LRPPRC: variants seen among roughly 807,000 people sequenced by gnomAD.
LRPPRC encodes leucine rich pentatricopeptide repeat containing.
In LRPPRC, 120 loss-of-function variants were observed where a neutral mutation model predicts 180.3. The observed-to-expected ratio is 0.67, with a 90% CI of 0.57 to 0.77. The LOEUF (loss-of-function observed/expected upper bound fraction) is 0.77. Among genes scored for constraint, LRPPRC ranks in the 30% least tolerant of loss-of-function variants. The probability of loss-of-function intolerance (pLI) is 0.00; values close to 1 mark genes in which losing one functional copy is unlikely to be tolerated. For synonymous variants in LRPPRC, 723 were observed against 600.0 expected, an observed-to-expected ratio of 1.21 and a Z score of -3.00; for missense variants, 2,012 against 1,657.2, an observed-to-expected ratio of 1.21 and a Z score of -3.72.
chr2:43,897,612 T>G (rs1038374133), intron 34 of LRPPRC, among the ~76,000 whole-genome samples: 5 of 152,100 alleles, frequency 3.3e-5, no homozygotes, highest in African/African-American at 1.2e-4. Flanking sequence ...GGGTTTATCA[T>G]CTGAAACCCC....
At chr2:43,975,716 G>A (rs979158943) in intron 6 of LRPPRC, among the ~76,000 whole-genome samples, 1 of 151,806 alleles carries the variant, frequency 6.6e-6, no homozygotes, top group African/African-American at 2.4e-5. Flanking sequence ...CCAAGTAGCT[G>A]GGATTACAGG....
rs187944222 is a variant in LRPPRC, at chr2:43,974,917, C to G, written c.865-159G>C. Among the ~76,000 whole-genome samples the G allele has an allele frequency of 5.3e-5, 8 of 151,872 alleles. No homozygotes were observed. The East Asian group carries it at 9.7e-4, about 18-fold the overall frequency. ...AGGAAATACTCTACTTCAACAGTAA[C>G]TGTTACATACCAGCACCGAGATACT... On this transcript the variant is annotated intron_variant, in intron 7 of 37. Coordinates refer to ENST00000260665, the MANE Select transcript of LRPPRC (RefSeq NM_133259.4).
rs1674650485 is a variant in LRPPRC at position 43,988,855 on chromosome 2, G to C, written c.150-6421C>G. Among the ~76,000 whole-genome samples the C allele has an allele frequency of 1.3e-5, 2 of 151,958 alleles. 1 individual carries two copies. The highest frequency in any genetic ancestry group is 1.3e-4 in the Admixed American group (2 of 15,252). ...ACCACGCCTGACCAAATGCCTCTGAGTTTTTACAATATCTTTCCTTTATCT... is the reference window on the plus strand; with the variant it reads ...ACCACGCCTGACCAAATGCCTCTGACTTTTTACAATATCTTTCCTTTATCT... On this transcript the variant is annotated intron_variant, in intron 1 of 37. Transcript: ENST00000260665.
At chr2:43,956,613 G>A (rs1673128104) in intron 14 of LRPPRC, among the ~76,000 whole-genome samples, 1 of 152,032 alleles carries the variant, frequency 6.6e-6, no homozygotes, top group Non-Finnish European at 1.5e-5. Flanking sequence ...ACAGAGGATG[G>A]GCACAGTGGC....
intron 2 of LRPPRC, 100 bp downstream of exon 2, chr2:43,982,138 C>T: frequency 1.3e-6 from 1 of 762,286 alleles, no homozygotes; most frequent in South Asian, 2.1e-5. Flanking sequence ...GAACACTTGG[C>T]CTCAAGCGAT....
Position 43,995,987 on chromosome 2 carries a change from A to C in LRPPRC, c.-40T>G. Reference sequence around the variant, plus strand: ...CGCAGCGGGAAGCACGCTCCGCCAGAAGGACAGGAGGAGCATGTGACCGCA... The same window carrying C: ...CGCAGCGGGAAGCACGCTCCGCCAGCAGGACAGGAGGAGCATGTGACCGCA... On this transcript the variant is annotated 5_prime_UTR_variant, in exon 1 of 38. Coordinates refer to ENST00000260665, the MANE Select transcript of LRPPRC (RefSeq NM_133259.4). 2.0e-6 allele frequency: 3 copies of C among 1,522,470 alleles called. No individual in the cohort carries two copies. The highest frequency in any genetic ancestry group is 2.6e-6 in the Non-Finnish European group (3 of 1,141,188). The allele number at this position is 1,522,470 out of a possible 1,614,324, so 94.3% of individuals were successfully genotyped here.
At position 43,888,463 on chromosome 2, in the gene LRPPRC, T is replaced by G; in HGVS notation, c.*137A>C. The G allele has an allele frequency of 1.6e-6, 1 of 639,122 alleles. No individual in the cohort carries two copies. The highest frequency in any genetic ancestry group is 2.9e-6 in the Non-Finnish European group (1 of 350,090). The allele number at this position is 639,122 out of a possible 1,614,324, so 39.6% of individuals were successfully genotyped here. A position where few individuals can be genotyped will look rare whatever the true frequency, so the allele number is the denominator to read the frequency against. ...ACCAAGTGCACAGAGTTATGGTCAA[T>G]AAGACTTTGAACATGCATCACACAT... On this transcript the variant is annotated 3_prime_UTR_variant, in exon 38 of 38. Coordinates refer to ENST00000260665, the MANE Select transcript of LRPPRC (RefSeq NM_133259.4).
At chr2:43,978,046 C>A (rs1484494569) in intron 3 of LRPPRC, among the ~76,000 whole-genome samples, 1 of 152,060 alleles carries the variant, frequency 6.6e-6, no homozygotes, top group Non-Finnish European at 1.5e-5. Flanking sequence ...ACATTTTTAT[C>A]TTAACAGATA....
intron 26 of LRPPRC, among the ~76,000 whole-genome samples, 200 bp downstream of exon 26, chr2:43,925,693 G>A (rs569819698): frequency 1.3e-5 from 2 of 152,006 alleles, no homozygotes; most frequent in Non-Finnish European, 2.9e-5. Context: ...ATATCATCAG[G>A]GCCCAGGTTA....
chr2:43,899,350 G>GT lies in LRPPRC; in HGVS notation c.3710-17dup. 1.2e-6 allele frequency: 2 copies of GT among 1,608,748 alleles called. No individual in the cohort carries two copies. Among genetic ancestry groups the GT allele is most frequent in the Non-Finnish European group, 1.7e-6 (2 of 1,175,152 alleles). On this transcript the variant is annotated splice_polypyrimidine_tract_variant and intron_variant, in intron 33 of 37. Transcript: ENST00000260665. ...ATGATGCTTACTGGAAAAATGACAGGTAAGAAAAATCTTTCATTAGAACAG... is the reference window on the plus strand; with the variant it reads ...ATGATGCTTACTGGAAAAATGACAGGTTAAGAAAAATCTTTCATTAGAACAG...
chr2:43,980,345 G>C (rs897483210), intron 2 of LRPPRC, among the ~76,000 whole-genome samples: 6 of 152,064 alleles, frequency 3.9e-5, no homozygotes, highest in African/African-American at 1.2e-4. Flanking sequence ...CCTGAGGTCG[G>C]GAGTTTGAGA....
At chr2:43,992,159 G>C (rs761094264) in intron 1 of LRPPRC, among the ~76,000 whole-genome samples, 2 of 152,192 alleles carry the variant, frequency 1.3e-5, no homozygotes, top group Non-Finnish European at 2.9e-5. Flanking sequence ...TCAAATGGGA[G>C]AGGCAGTCAA....
intron 36 of LRPPRC, 150 bp downstream of exon 36, chr2:43,894,395 T>C (rs758995049): frequency 1.8e-4 from 103 of 586,724 alleles, no homozygotes; most frequent in Non-Finnish European, 2.9e-4. Flanking sequence ...CTGAGTTATT[T>C]ATATCATAAT....
chr2:43,979,727 AT>A (rs1174018462), intron 3 of LRPPRC, 98 bp downstream of exon 3: 5 of 1,065,496 alleles, frequency 4.7e-6, no homozygotes, highest in Non-Finnish European at 7.1e-6. Context: ...TAGCCCTTCC[AT>A]AAAACTGAAT....
At chr2:43,978,971 G>A (rs1674179719) in intron 3 of LRPPRC, among the ~76,000 whole-genome samples, 1 of 151,868 alleles carries the variant, frequency 6.6e-6, no homozygotes, top group Non-Finnish European at 1.5e-5. Flanking sequence ...ATAACTTCTT[G>A]TATTGTTTCA....
At chr2:43,891,924 AATG>A (rs1027795480) in intron 36 of LRPPRC, among the ~76,000 whole-genome samples, 1 of 152,258 alleles carries the variant, frequency 6.6e-6, no homozygotes, top group Non-Finnish European at 1.5e-5. Context: ...TGAACACACA[AATG>A]ATAAGAAACT....
At chr2:43,939,941 A>G (rs1271420635) in intron 23 of LRPPRC, among the ~76,000 whole-genome samples, 1 of 152,250 alleles carries the variant, frequency 6.6e-6, no homozygotes, top group East Asian at 1.9e-4. Context: ...TGTTCAGAAT[A>G]AAATGCCACA....
At chr2:43,992,725 A>T (rs1674839927) in intron 1 of LRPPRC, among the ~76,000 whole-genome samples, 1 of 152,188 alleles carries the variant, frequency 6.6e-6, no homozygotes, top group South Asian at 2.1e-4. Context: ...ATATGTAGAT[A>T]TCCAGGATCT....
At chr2:43,976,309 G>A in intron 5 of LRPPRC, 80 bp from the exon 6 acceptor site, 1 of 782,458 alleles carries the variant, frequency 1.3e-6, no homozygotes, top group South Asian at 1.4e-5. Flanking sequence ...TAGGCCTTGA[G>A]TTACTTTTGT....
Sources: gnomAD v4.1 joint callset for allele counts (sites outside exome capture counted in the v4.1 genomes callset) on GRCh38, gnomAD v4.1.1 for gene constraint, MANE v1.5 for transcripts, NCBI Gene and HGNC (gene_info 2026-07-23, HGNC 2026-07-21) for gene names.